SNX13: variants seen among roughly 807,000 people sequenced by gnomAD.
SNX13 encodes sorting nexin 13, also known as sorting nexin-13.
Under a neutral mutation model 133.6 loss-of-function variants are expected in SNX13, and 45 were observed. The observed-to-expected ratio is 0.34, with a 90% CI of 0.27 to 0.43. SNX13 has a LOEUF of 0.43. Among genes scored for constraint, SNX13 ranks in the 20% least tolerant of loss-of-function variants. SNX13 has a pLI of 1.00. For synonymous variants in SNX13, 414 were observed against 373.9 expected (o/e 1.11, Z -1.24); for missense variants, 1,032 against 1,145.1 (o/e 0.90, Z 1.43).
intron 1 of SNX13, among the ~76,000 whole-genome samples, chr7:17,926,527 C>T (rs945465801): frequency 1.3e-5 from 2 of 152,030 alleles, no homozygotes; most frequent in African/African-American, 2.4e-5. Context: ...AAAATACATG[C>T]ACCATATGCA....
At chr7:17,924,081 A>G (rs1421121544) in intron 1 of SNX13, among the ~76,000 whole-genome samples, 2 of 152,330 alleles carry the variant, frequency 1.3e-5, no homozygotes, top group Middle Eastern at 3.4e-3. Flanking sequence ...AATGCATTAC[A>G]GAATTTAAAT....
intron 22 of SNX13, among the ~76,000 whole-genome samples, chr7:17,801,272 C>T (rs1784617349): frequency 1.3e-5 from 2 of 151,474 alleles, no homozygotes; most frequent in South Asian, 4.1e-4. Context: ...AAAAGTCAGA[C>T]TTCATGGAAT....
intron 13 of SNX13, among the ~76,000 whole-genome samples, chr7:17,837,146 T>A (rs944047401): frequency 4.0e-4 from 60 of 151,680 alleles, no homozygotes; most frequent in African/African-American, 3.6e-4. Context: ...AAAAAAAAAA[T>A]TTTTTAAGAG....
At chr7:17,839,733 G>A in intron 13 of SNX13, 74 bp downstream of exon 13, 2 of 1,222,264 alleles carry the variant, frequency 1.6e-6, no homozygotes, top group Non-Finnish European at 2.2e-6. Context: ...AGTCAGCCTG[G>A]CATAAGCAAT....
intron 9 of SNX13, among the ~76,000 whole-genome samples, chr7:17,855,931 T>C (rs1388013788): frequency 6.6e-6 from 1 of 152,200 alleles, no homozygotes; most frequent in African/African-American, 2.4e-5. Context: ...GATAACCTTC[T>C]AGAAATGACT....
rs556199736 is a variant in SNX13, at chr7:17,834,592, A to AT, written c.1464+168_1464+169insA. Among the ~76,000 whole-genome samples, 342 of 152,054 alleles carry AT rather than the reference A, an allele frequency of 2.2e-3. 3 individuals carry two copies. The highest frequency in any genetic ancestry group is 3.1e-3 in the Non-Finnish European group (213 of 67,888). The stretch of plus-strand genomic sequence containing the variant: ...AAGGATTTTCCTCAGAAAATTAACG[A>AT]AATAAACAAAAATACTGGTTTACAT... On this transcript the variant is annotated intron_variant, in intron 14 of 25. Transcript: ENST00000428135.
At chr7:17,874,676 T>G (rs1202394732) in intron 7 of SNX13, among the ~76,000 whole-genome samples, 2 of 152,224 alleles carry the variant, frequency 1.3e-5, no homozygotes, top group Non-Finnish European at 2.9e-5. Context: ...GTTGTTCCTA[T>G]GCTGACACTT....
Position 17,849,356 on chromosome 7 carries a change from C to T in SNX13, c.1065+991G>A, listed in dbSNP as rs559131303. On this transcript the variant is annotated intron_variant, in intron 11 of 25. Transcript: ENST00000428135. ...ATTAGCACTATATCCAGTCTCTAAT[C>T]GCTTCTCACAACCTCCATAGACATC... Among the ~76,000 whole-genome samples the T allele has an allele frequency of 1.9e-4, 29 of 152,288 alleles. No individual in the cohort carries two copies. The South Asian group carries it at 4.6e-3, about 24-fold the overall frequency.
At chr7:17,904,899 T>C (rs1037619225) in intron 1 of SNX13, among the ~76,000 whole-genome samples, 3 of 152,152 alleles carry the variant, frequency 2.0e-5, no homozygotes, top group South Asian at 2.1e-4. Context: ...CCCTGTCTCA[T>C]TCAGCATCAA....
chr7:17,882,799 T>C, intron 5 of SNX13: 1 of 1,244,114 alleles, frequency 8.0e-7, no homozygotes, highest in Non-Finnish European at 1.0e-6. Flanking sequence ...TTCCCTGTAA[T>C]TTCAGAGCCA....
At chr7:17,902,242 G>GTTTTTTTT in intron 1 of SNX13, among the ~76,000 whole-genome samples, 1 of 120,360 alleles carries the variant, frequency 8.3e-6, no homozygotes, top group Non-Finnish European at 1.7e-5. Context: ...TACTGTCATG[G>GTTTTTTTT]TTTTTTTTTT....
intron 1 of SNX13, among the ~76,000 whole-genome samples, chr7:17,930,414 G>C (rs1801268065): frequency 6.6e-6 from 1 of 152,138 alleles, no homozygotes; most frequent in East Asian, 1.9e-4. Flanking sequence ...TGGGACTAGA[G>C]GAGATATATA....
chr7:17,933,848 C>T, intron 1 of SNX13, among the ~76,000 whole-genome samples: 1 of 150,360 alleles, frequency 6.7e-6, no homozygotes, highest in Admixed American at 6.6e-5. Context: ...TAATGACTGG[C>T]AATTTACAAA....
At chr7:17,838,351 T>C (rs1397241397) in intron 13 of SNX13, among the ~76,000 whole-genome samples, 1 of 151,976 alleles carries the variant, frequency 6.6e-6, no homozygotes, top group Non-Finnish European at 1.5e-5. Flanking sequence ...ATGAATTTGG[T>C]TATCTGTGTC....
At position 17,861,407 on chromosome 7, in the gene SNX13, G is replaced by A. The variant is rs527538159; in HGVS notation, c.837+7000C>T. ...AGTGTGATAACTGCAAAAATAATTC[G>A]CAGCCCACACCAGGAAGAGGCAATT... is the stretch of plus-strand genomic sequence containing the variant. On this transcript the variant is annotated intron_variant, in intron 9 of 25. Coordinates refer to ENST00000428135, the MANE Select transcript of SNX13 (RefSeq NM_015132.5). Among the ~76,000 whole-genome samples, 9 of 149,662 alleles carry A rather than the reference G, an allele frequency of 6.0e-5. No individual in the cohort carries two copies. In the East Asian group the frequency reaches 1.2e-3, roughly 20 times the overall value.
intron 1 of SNX13, among the ~76,000 whole-genome samples, chr7:17,938,563 T>C (rs780316598): frequency 2.0e-5 from 3 of 152,226 alleles, no homozygotes; most frequent in African/African-American, 7.2e-5. Flanking sequence ...CACTTATAAG[T>C]TGTGCAGTGT....
intron 20 of SNX13, among the ~76,000 whole-genome samples, chr7:17,812,823 GGAT>G (rs914023142): frequency 1.6e-4 from 25 of 152,094 alleles, no homozygotes; most frequent in Admixed American, 5.2e-4. Context: ...CCATATAAAA[GGAT>G]GAGTTCATGT....
chr7:17,869,358 C>T (rs779502421), intron 8 of SNX13, among the ~76,000 whole-genome samples: 1 of 151,982 alleles, frequency 6.6e-6, no homozygotes, highest in African/African-American at 2.4e-5. Context: ...TTGTTTTAAA[C>T]ATGGCAGGCA....
At chr7:17,888,395 A>G (rs916840308) in intron 5 of SNX13, 4 of 217,630 alleles carry the variant, frequency 1.8e-5, no homozygotes, top group Non-Finnish European at 2.8e-5. Context: ...AAAGGTGACT[A>G]GGGGATCAAA....
Sources: gnomAD v4.1 joint callset for allele counts (sites outside exome capture counted in the v4.1 genomes callset) on GRCh38, gnomAD v4.1.1 for gene constraint, MANE v1.5 for transcripts, NCBI Gene and HGNC (gene_info 2026-07-23, HGNC 2026-07-21) for gene names.